The following ZNF525 variants were observed in gnomAD, a reference collection of about 807,000 sequenced individuals.
The protein encoded by ZNF525 is zinc finger protein 525.
Under a neutral mutation model 37.6 loss-of-function variants are expected in ZNF525, and 33 were observed. That is an observed-to-expected ratio of 0.88 (90% confidence interval 0.67 to 1.17). The LOEUF (loss-of-function observed/expected upper bound fraction) is 1.17, where lower values mean the gene tolerates loss of function less well. Among genes scored for constraint, ZNF525 ranks in the 50% most tolerant of loss-of-function variants. ZNF525 has a pLI of 0.00. For synonymous variants in ZNF525, 170 were observed against 182.3 expected (o/e 0.93, Z 0.54); for missense variants, 449 against 543.1 (o/e 0.83, Z 1.72).
rs2085576308 is a variant in ZNF525 at position 53,382,748 on chromosome 19, G to C, written c.*729G>C. The stretch of plus-strand genomic sequence containing the variant: ...GAGACCTTACAAGTGTGATAAATGT[G>C]ACAAATTTTTCAGACATCGTTCATA... On this transcript the variant is annotated 3_prime_UTR_variant, in exon 4 of 4. Transcript: ENST00000474037. 3.4e-6 allele frequency: 3 copies of C among 872,594 alleles called. 1 individual carries two copies. The highest frequency in any genetic ancestry group is 4.5e-4 in the Middle Eastern group (2 of 4,432). The allele number at this position is 872,594 out of a possible 1,614,324, so 54.1% of individuals were successfully genotyped here.
chr19:53,378,785 C>T (rs1165835004), intron 3 of ZNF525, among the ~76,000 whole-genome samples: 2 of 152,128 alleles, frequency 1.3e-5, no homozygotes, highest in Non-Finnish European at 2.9e-5. Flanking sequence ...AGTCAACACC[C>T]GTGACCAAAT....
In ZNF525 at chr19:53,372,570, G is replaced by T. The variant is rs149239395; in HGVS notation, c.15+274G>T. ...GTGAGGGTCCCGTGGTGTCAGTGCT[G>T]TTGGGCAGCAGGGATTGTTCAGGGG... On this transcript the variant is annotated intron_variant, in intron 2 of 3. Coordinates refer to ENST00000474037, the MANE Select transcript of ZNF525 (RefSeq NM_001348156.2). 9.4e-3 allele frequency among the ~76,000 whole-genome samples: 1,427 copies of T among 152,282 alleles called. 32 individuals are homozygous for T. The highest frequency in any genetic ancestry group is 0.032 in the African/African-American group (1,349 of 41,540).
Position 53,382,686 on chromosome 19 carries a change from C to G in ZNF525, c.*667C>G. Reference sequence around the variant, plus strand: ...TGTCACCACGTCTTCAGTAATGCTACAACTATTGCAAATCATTGGAGAATC... The same window carrying G: ...TGTCACCACGTCTTCAGTAATGCTAGAACTATTGCAAATCATTGGAGAATC... On this transcript the variant is annotated 3_prime_UTR_variant, in exon 4 of 4. Transcript: ENST00000474037. 1 of 739,788 alleles carries G rather than the reference C, an allele frequency of 1.4e-6. No individual in the cohort carries two copies. Among genetic ancestry groups the G allele is most frequent in the South Asian group, 1.4e-5 (1 of 72,658 alleles). The allele number at this position is 739,788 out of a possible 1,614,324, so 45.8% of individuals were successfully genotyped here.
Position 53,383,320 on chromosome 19 carries a change from G to T in ZNF525, c.*1301G>T, listed in dbSNP as rs568060261. 4 of 715,500 alleles carry T rather than the reference G, an allele frequency of 5.6e-6. No homozygotes were observed. The highest frequency in any genetic ancestry group is 4.2e-5 in the African/African-American group (2 of 47,304). 44.3% of individuals were successfully genotyped at this position (715,500 alleles called of 1,614,324 possible). On this transcript the variant is annotated 3_prime_UTR_variant, in exon 4 of 4. Coordinates refer to ENST00000474037, the MANE Select transcript of ZNF525 (RefSeq NM_001348156.2). Reference sequence around the variant, plus strand: ...CAATTCATACTGGAGAGAAACAAGCGTAATGAATGTGGCGAGGTTTTCAAT... The same window carrying T: ...CAATTCATACTGGAGAGAAACAAGCTTAATGAATGTGGCGAGGTTTTCAAT...
chr19:53,366,152 A>T (rs1529483), intron 1 of ZNF525, among the ~76,000 whole-genome samples: 57,971 of 143,610 alleles, frequency 0.4, 15,018 homozygotes, highest in Non-Finnish European at 0.56. Context: ...GGGGAGGCCG[A>T]GTTCTCTGCC....
At position 53,383,972 on chromosome 19, in the gene ZNF525, C is replaced by A; in HGVS notation, c.*1953C>A. On this transcript the variant is annotated 3_prime_UTR_variant, in exon 4 of 4. Coordinates refer to ENST00000474037, the MANE Select transcript of ZNF525 (RefSeq NM_001348156.2). The stretch of plus-strand genomic sequence containing the variant: ...TAGACATCAGAGAATCCATACTGGA[C>A]AGAAATCTTACAAATGTCATCAGTG... 1 of 798,378 alleles carries A rather than the reference C, an allele frequency of 1.3e-6. No individual in the cohort carries two copies. The highest frequency in any genetic ancestry group is 2.1e-6 in the Non-Finnish European group (1 of 483,666). The allele number at this position is 798,378 out of a possible 1,614,324, so 49.5% of individuals were successfully genotyped here. A position where few individuals can be genotyped will look rare whatever the true frequency, so the allele number is the denominator to read the frequency against.
rs913714336 is a variant in ZNF525 at position 53,385,045 on chromosome 19, T to C, written c.*3026T>C. 1.6e-5 allele frequency: 11 copies of C among 696,802 alleles called. No homozygotes were observed. In the African/African-American group the frequency reaches 1.9e-4, roughly 12 times the overall value. 43.2% of individuals were successfully genotyped at this position (696,802 alleles called of 1,614,324 possible). On this transcript the variant is annotated 3_prime_UTR_variant, in exon 4 of 4. Coordinates refer to ENST00000474037, the MANE Select transcript of ZNF525 (RefSeq NM_001348156.2). ...CTACTAAGGTGATGTGGTTTTAATC[T>C]TTCATTCTGTTCTAGTGGTATATAA... is the stretch of plus-strand genomic sequence containing the variant.
intron 2 of ZNF525, among the ~76,000 whole-genome samples, chr19:53,374,070 A>G (rs2085505455): frequency 6.6e-6 from 1 of 152,016 alleles, no homozygotes; most frequent in African/African-American, 2.4e-5. Flanking sequence ...TTTAGTAGAG[A>G]TAGGGTTTCA....
At chr19:53,376,889 G>C (rs956394478) in intron 3 of ZNF525, among the ~76,000 whole-genome samples, 1 of 152,156 alleles carries the variant, frequency 6.6e-6, no homozygotes, top group African/African-American at 2.4e-5. Flanking sequence ...AGAGTCACTT[G>C]AACCCTGGAG....
intron 1 of ZNF525, among the ~76,000 whole-genome samples, chr19:53,371,222 G>C (rs1325508354): frequency 2.3e-5 from 3 of 130,180 alleles, no homozygotes; most frequent in African/African-American, 5.5e-5. Flanking sequence ...TTTTTAGACA[G>C]AGTCTCACTC....
intron 3 of ZNF525, chr19:53,379,408 A>T (rs1036769030): frequency 2.6e-5 from 4 of 152,130 alleles, no homozygotes; most frequent in African/African-American, 9.7e-5. Context: ...GAGCCACTGC[A>T]CCCGGCTGTT....
intron 1 of ZNF525, among the ~76,000 whole-genome samples, chr19:53,371,955 T>C (rs1451889049): frequency 6.6e-6 from 1 of 152,140 alleles, no homozygotes; most frequent in Non-Finnish European, 1.5e-5. Flanking sequence ...AGCCTCTGTA[T>C]GAAGTTTGGT....
In ZNF525 at chr19:53,369,531, A is replaced by G. The variant is rs190197322; in HGVS notation, c.-67-2684A>G. Among the ~76,000 whole-genome samples the G allele has an allele frequency of 3.3e-3, 489 of 147,552 alleles. 33 individuals carry two copies. Among genetic ancestry groups the G allele is most frequent in the Non-Finnish European group, 5.4e-3 (362 of 67,028 alleles). On this transcript the variant is annotated intron_variant, in intron 1 of 3. Transcript: ENST00000474037. ...CATGATCCATTGTTCCCGGCCACCC[A>G]TGTATTCTTGATGGAAACAATTTGC...
intron 1 of ZNF525, among the ~76,000 whole-genome samples, chr19:53,369,593 G>C (rs2085470757): frequency 6.8e-6 from 1 of 146,822 alleles, no homozygotes; most frequent in Admixed American, 6.8e-5. Context: ...TCTTTTCACT[G>C]TTTTTAAGGT....
rs1455631979 is a variant in ZNF525 at position 53,384,669 on chromosome 19, T to G, written c.*2650T>G. The G allele has an allele frequency of 3.5e-6, 1 of 285,268 alleles. No homozygotes were observed. Among genetic ancestry groups the G allele is most frequent in the African/African-American group, 2.2e-5 (1 of 45,616 alleles). The allele number at this position is 285,268 out of a possible 1,614,324, so 17.7% of individuals were successfully genotyped here. A position where few individuals can be genotyped will look rare whatever the true frequency, so the allele number is the denominator to read the frequency against. On this transcript the variant is annotated 3_prime_UTR_variant, in exon 4 of 4. Coordinates refer to ENST00000474037, the MANE Select transcript of ZNF525 (RefSeq NM_001348156.2). ...TGTGCAAATCCACTGAATATGTTTG[T>G]TAGTTCCAGTACTATTTTGGTTGAG...
chr19:53,386,078 C>T lies in ZNF525; in HGVS notation c.*4059C>T, dbSNP rs2085604654. The T allele has an allele frequency of 2.9e-6, 1 of 343,612 alleles. No individual in the cohort carries two copies. Among genetic ancestry groups the T allele is most frequent in the Non-Finnish European group, 5.6e-6 (1 of 177,158 alleles). The allele number at this position is 343,612 out of a possible 1,614,324, so 21.3% of individuals were successfully genotyped here. On this transcript the variant is annotated 3_prime_UTR_variant, in exon 4 of 4. Coordinates refer to ENST00000474037, the MANE Select transcript of ZNF525 (RefSeq NM_001348156.2). ...GGCTGAGGCAGGGGAATCTCTTGAA[C>T]CCAGGAGGTGGAGGATGCAGTGAAC...
Position 53,382,480 on chromosome 19 carries a change from C to T in ZNF525, c.*461C>T, listed in dbSNP as rs987386139. 4.2e-6 allele frequency: 3 copies of T among 712,124 alleles called. No homozygotes were observed. In the African/African-American group the frequency reaches 5.2e-5, roughly 12 times the overall value. The allele number at this position is 712,124 out of a possible 1,614,324, so 44.1% of individuals were successfully genotyped here. ...CATAGACTTCATACTGGAAATAAAT[C>T]TTATAAGTGTAATGAGTGTGGCAAG... On this transcript the variant is annotated 3_prime_UTR_variant, in exon 4 of 4. Transcript: ENST00000474037.
At chr19:53,370,011 A>G (rs1357223644) in intron 1 of ZNF525, among the ~76,000 whole-genome samples, 1 of 150,604 alleles carries the variant, frequency 6.6e-6, no homozygotes, top group African/African-American at 2.4e-5. Context: ...GGCGTGAGCC[A>G]CCGCGCCCGG....
chr19:53,383,183 C>T lies in ZNF525; in HGVS notation c.*1164C>T. On this transcript the variant is annotated 3_prime_UTR_variant, in exon 4 of 4. Transcript: ENST00000474037. Reference sequence around the variant, plus strand: ...TAATGAGTGTGGCAAGACCTACTCTCACAATTCAGTCCTTGTAATTCATAA... The same window carrying T: ...TAATGAGTGTGGCAAGACCTACTCTTACAATTCAGTCCTTGTAATTCATAA... 1 of 1,374,628 alleles carries T rather than the reference C, an allele frequency of 7.3e-7. No individual in the cohort carries two copies. Among genetic ancestry groups the T allele is most frequent in the Non-Finnish European group, 1.0e-6 (1 of 985,286 alleles). The allele number at this position is 1,374,628 out of a possible 1,614,324, so 85.2% of individuals were successfully genotyped here.
Sources: gnomAD v4.1 joint callset for allele counts (sites outside exome capture counted in the v4.1 genomes callset) on GRCh38, gnomAD v4.1.1 for gene constraint, MANE v1.5 for transcripts, NCBI Gene and HGNC (gene_info 2026-07-23, HGNC 2026-07-21) for gene names.